The following MEF2C variants were observed in gnomAD, a reference collection of about 807,000 sequenced individuals.
The protein encoded by MEF2C is myocyte-specific enhancer factor 2C.
MEF2C carries 6 observed loss-of-function variants against 50.5 expected under a neutral mutation model. The ratio of observed to expected loss-of-function variants is 0.12; its 90% CI spans 0.07 to 0.23. The LOEUF is 0.23. MEF2C is among the 10% of genes least tolerant of loss of function. The pLI is 1.00. For missense variants in MEF2C, 276 were observed against 605.0 expected (o/e 0.46, Z 5.70); for synonymous variants, 183 against 228.0 (o/e 0.80, Z 1.78).
intron 2 of MEF2C, among the ~76,000 whole-genome samples, chr5:88,807,490 T>C (rs979605241): frequency 1.3e-5 from 2 of 152,206 alleles, no homozygotes; most frequent in Non-Finnish European, 2.9e-5. Flanking sequence ...CGCTTAAGCC[T>C]TTCAAAGTGC....
At chr5:88,731,976 G>A in intron 6 of MEF2C, 75 bp from the exon 7 acceptor site, 1 of 1,345,820 alleles carries the variant, frequency 7.4e-7, no homozygotes, top group Non-Finnish European at 1.0e-6. Context: ...CACAACATGA[G>A]AATAAAAACA....
At chr5:88,752,677 A>G (rs1580110483) in intron 4 of MEF2C, 1 of 985,244 alleles carries the variant, frequency 1.0e-6, no homozygotes, top group African/African-American at 1.7e-5. Context: ...TTTGGTGTGT[A>G]CCGCCACTGA....
chr5:88,820,690 C>T (rs1044631558), intron 2 of MEF2C, among the ~76,000 whole-genome samples: 2 of 151,964 alleles, frequency 1.3e-5, no homozygotes, highest in African/African-American at 4.8e-5. Flanking sequence ...GGGGCAGCTT[C>T]AAAGAGGGCA....
chr5:88,801,150 A>C (rs371951367), intron 3 of MEF2C, among the ~76,000 whole-genome samples: 4 of 152,262 alleles, frequency 2.6e-5, no homozygotes, highest in African/African-American at 7.2e-5. Flanking sequence ...TATTATTTCT[A>C]TCTCTCCCGA....
intron 1 of MEF2C, among the ~76,000 whole-genome samples, chr5:88,843,149 T>A (rs1817970920): frequency 6.6e-6 from 1 of 152,028 alleles, no homozygotes; most frequent in Non-Finnish European, 1.5e-5. Flanking sequence ...TCCTATCTCA[T>A]TTTTGGGAGG....
At position 88,766,826 on chromosome 5, in the gene MEF2C, C is replaced by T. The variant is rs958019621; in HGVS notation, c.259-5498G>A. Reference sequence around the variant, plus strand: ...TAGTTGCATCAATGTCATGTTCACACAAAAACCAAGAAAAAAAAGCATCAA... The same window carrying T: ...TAGTTGCATCAATGTCATGTTCACATAAAAACCAAGAAAAAAAAGCATCAA... On this transcript the variant is annotated intron_variant, in intron 3 of 10. Coordinates refer to ENST00000504921, the MANE Select transcript of MEF2C (RefSeq NM_002397.5). The T allele has an allele frequency of 9.7e-5, 96 of 985,146 alleles. No homozygotes were observed. The African/African-American group carries it at 9.8e-4, about 10-fold the overall frequency. The allele number at this position is 985,146 out of a possible 1,614,324, so 61.0% of individuals were successfully genotyped here.
intron 1 of MEF2C, among the ~76,000 whole-genome samples, chr5:88,875,638 A>C (rs1391841315): frequency 6.6e-6 from 1 of 152,026 alleles, no homozygotes; most frequent in East Asian, 1.9e-4. Context: ...AAACATACTG[A>C]ATCCACTTTG....
chr5:88,822,073 T>TA (rs1248885528), intron 2 of MEF2C, among the ~76,000 whole-genome samples: 5 of 151,822 alleles, frequency 3.3e-5, no homozygotes, highest in Non-Finnish European at 7.4e-5. Context: ...AAATAGAAAT[T>TA]AAAAAATCTT....
intron 3 of MEF2C, among the ~76,000 whole-genome samples, chr5:88,773,390 G>A (rs527868035): frequency 4.6e-5 from 7 of 151,916 alleles, no homozygotes; most frequent in African/African-American, 7.3e-5. Context: ...CCCCATCCTC[G>A]TACATAAACT....
At chr5:88,733,664 C>G (rs1762617837) in intron 6 of MEF2C, 1 of 985,222 alleles carries the variant, frequency 1.0e-6, no homozygotes. Context: ...TCTTCATATC[C>G]CATTCATTTA....
In MEF2C at chr5:88,876,070, T is replaced by G. The variant is rs1049921029; in HGVS notation, c.-143+6885A>C. ...GAAACTGTAGTAACTGGAGTTTTTTTTTTTTTTTTTTTTCCTTTTTAAACT... is the reference window on the plus strand; with the variant it reads ...GAAACTGTAGTAACTGGAGTTTTTTGTTTTTTTTTTTTTCCTTTTTAAACT... On this transcript the variant is annotated intron_variant, in intron 1 of 10. Transcript: ENST00000504921. Among the ~76,000 whole-genome samples the G allele has an allele frequency of 9.3e-5, 14 of 151,272 alleles. 1 individual carries two copies. The highest frequency in any genetic ancestry group is 8.6e-4 in the Admixed American group (13 of 15,194).
At chr5:88,882,014 G>A (rs1833039982) in intron 1 of MEF2C, among the ~76,000 whole-genome samples, 1 of 152,082 alleles carries the variant, frequency 6.6e-6, no homozygotes. Context: ...TCTCCCCAAA[G>A]AATGATAACT....
intron 1 of MEF2C, among the ~76,000 whole-genome samples, chr5:88,859,276 G>GT (rs1282670336): frequency 6.6e-6 from 1 of 152,180 alleles, no homozygotes; most frequent in Non-Finnish European, 1.5e-5. Context: ...AAGCTGCAGT[G>GT]TGACGGTATT....
At chr5:88,768,990 C>T in intron 3 of MEF2C, among the ~76,000 whole-genome samples, 1 of 152,030 alleles carries the variant, frequency 6.6e-6, no homozygotes, top group East Asian at 1.9e-4. Context: ...ACTGAGCAGT[C>T]AGTGAAATCT....
intron 1 of MEF2C, among the ~76,000 whole-genome samples, chr5:88,882,322 C>A (rs1207979550): frequency 1.3e-5 from 2 of 152,154 alleles, no homozygotes; most frequent in East Asian, 3.8e-4. Flanking sequence ...ATGCTGAAAT[C>A]GAACGTGAAT....
chr5:88,893,464 C>A (rs1314536027), intron 1 of MEF2C, among the ~76,000 whole-genome samples: 1 of 151,902 alleles, frequency 6.6e-6, no homozygotes, highest in Non-Finnish European at 1.5e-5. Flanking sequence ...CTGAGGTAAT[C>A]CGCCCACTTT....
At chr5:88,831,015 A>C (rs886340434) in intron 1 of MEF2C, among the ~76,000 whole-genome samples, 8 of 152,218 alleles carry the variant, frequency 5.3e-5, no homozygotes, top group African/African-American at 1.9e-4. Context: ...GCTATTATAG[A>C]TTTTCATGCT....
upstream of MEF2C, among the ~76,000 whole-genome samples, chr5:88,887,954 A>G (rs560546209): frequency 2.6e-5 from 4 of 152,346 alleles, no homozygotes; most frequent in African/African-American, 9.6e-5. Flanking sequence ...GTATTTCTGT[A>G]CCTTCAGTTT....
At chr5:88,862,765 G>A (rs1004243730) in intron 1 of MEF2C, among the ~76,000 whole-genome samples, 1 of 152,092 alleles carries the variant, frequency 6.6e-6, no homozygotes, top group African/African-American at 2.4e-5. Context: ...TAGGAAATAG[G>A]GCAGGAGTGG....
Sources: allele counts gnomAD v4.1 joint callset (sites outside exome capture counted in the v4.1 genomes callset), GRCh38; gene constraint gnomAD v4.1.1; transcripts MANE v1.5; gene names NCBI Gene and HGNC (gene_info 2026-07-23, HGNC 2026-07-21).